Variants in ELAPOR2 observed in about 807,000 individuals in gnomAD.
ELAPOR2 encodes the protein endosome/lysosome-associated apoptosis and autophagy regulator family member 2.
In ELAPOR2, 89 loss-of-function variants were observed where a neutral mutation model predicts 120.7. That is an observed-to-expected ratio of 0.74 (90% CI 0.62 to 0.88). ELAPOR2 has a LOEUF of 0.88. Ranked by LOEUF, ELAPOR2 falls within the 40% of genes least tolerant of loss-of-function variation. The probability of loss-of-function intolerance (pLI) is 0.00; values close to 1 mark genes in which losing one functional copy is unlikely to be tolerated. For synonymous variants in ELAPOR2, 444 were observed against 444.9 expected (o/e 1.00, Z 0.03); for missense variants, 1,134 against 1,251.6 (o/e 0.91, Z 1.42).
intron 1 of ELAPOR2, among the ~76,000 whole-genome samples, chr7:86,984,167 G>A (rs552726120): frequency 6.6e-6 from 1 of 152,184 alleles, no homozygotes. Context: ...TAATACAGGA[G>A]CACCTAGATT....
At chr7:87,053,702 G>C (rs1009161155) in intron 1 of ELAPOR2, among the ~76,000 whole-genome samples, 2 of 152,124 alleles carry the variant, frequency 1.3e-5, no homozygotes, top group Non-Finnish European at 2.9e-5. Flanking sequence ...TCAGAGAAGA[G>C]AAAAGATCCT....
chr7:86,984,067 AAACC>A (rs1416836502), intron 1 of ELAPOR2, among the ~76,000 whole-genome samples: 1 of 152,226 alleles, frequency 6.6e-6, no homozygotes, highest in Non-Finnish European at 1.5e-5. Context: ...AACAGAGTTT[AAACC>A]AACAAAGATC....
intron 1 of ELAPOR2, among the ~76,000 whole-genome samples, chr7:87,022,996 T>C (rs1437927438): frequency 6.6e-6 from 1 of 152,156 alleles, no homozygotes; most frequent in African/African-American, 2.4e-5. Context: ...GATGAGTAGA[T>C]TGCAAAAATT....
chr7:86,972,509 C>A (rs1335234317), intron 1 of ELAPOR2, among the ~76,000 whole-genome samples: 1 of 151,284 alleles, frequency 6.6e-6, no homozygotes, highest in African/African-American at 2.4e-5. Context: ...CCTTCCACAT[C>A]ATGACAAGAG....
In ELAPOR2 at chr7:86,988,636, T is replaced by C. The variant is rs995429332; in HGVS notation, c.190-23612A>G. On this transcript the variant is annotated intron_variant, in intron 1 of 21. Transcript: ENST00000450689. ...TGTATCCTAGGCAGTACAACGATCATAGTAACTGCCATTACTCCTACAAAA... is the reference window on the plus strand; with the variant it reads ...TGTATCCTAGGCAGTACAACGATCACAGTAACTGCCATTACTCCTACAAAA... Among the ~76,000 whole-genome samples, 6 of 152,336 alleles carry C rather than the reference T, an allele frequency of 3.9e-5. No homozygotes were observed. The East Asian group carries it at 1.2e-3, about 29-fold the overall frequency.
At chr7:86,920,643 C>T (rs1789788287) in intron 10 of ELAPOR2, 1 of 152,070 alleles carries the variant, frequency 6.6e-6, no homozygotes, top group South Asian at 2.1e-4. Context: ...ACAAACATTT[C>T]CCATGTTTGA....
At chr7:87,029,374 T>A (rs1341764316) in intron 1 of ELAPOR2, among the ~76,000 whole-genome samples, 1 of 152,194 alleles carries the variant, frequency 6.6e-6, no homozygotes, top group Non-Finnish European at 1.5e-5. Context: ...GGCATCTGGC[T>A]CCTGGACCCT....
rs1159917841 is a variant in ELAPOR2 at position 86,993,234 on chromosome 7, C to CAAAAAAAA, written c.190-28218_190-28211dup. ...CTGATGACAGAGCGAGACTCCATCT[C>CAAAAAAAA]AAAAAAAAAAAAAAAAGAAAAAGAA... On this transcript the variant is annotated intron_variant, in intron 1 of 21. Coordinates refer to ENST00000450689, the MANE Select transcript of ELAPOR2 (RefSeq NM_001142749.3). 8.8e-3 allele frequency among the ~76,000 whole-genome samples: 503 copies of CAAAAAAAA among 57,068 alleles called. 17 individuals are homozygous for CAAAAAAAA. The highest frequency in any genetic ancestry group is 0.024 in the African/African-American group (412 of 17,242). 37.4% of individuals were successfully genotyped at this position (57,068 alleles called of 152,430 possible).
At chr7:87,007,719 T>A (rs568953430) in intron 1 of ELAPOR2, among the ~76,000 whole-genome samples, 1 of 152,162 alleles carries the variant, frequency 6.6e-6, no homozygotes, top group African/African-American at 2.4e-5. Flanking sequence ...TGCCAAAAAG[T>A]AAAGAAGTGC....
rs780328486 is a variant in ELAPOR2, at chr7:86,891,751, T to C, written c.3003A>G (p.Leu1001=). ...EVVYSNKQSL[L]GKLKSLATKE... The stretch of plus-strand genomic sequence containing the variant: ...TGGTTGCCAAAGATTTGAGTTTTCC[T>C]AGTAGTGACTGTTTATTGGAATATA... The change falls in exon 21 of 22, where the codon CTA becomes CTG. Residue 1001 remains leucine, a synonymous_variant. Transcript: ENST00000450689. 20 of 1,611,068 alleles carry C rather than the reference T, an allele frequency of 1.2e-5. No homozygotes were observed. The highest frequency in any genetic ancestry group is 1.6e-5 in the Non-Finnish European group (19 of 1,178,516).
At chr7:86,965,911 G>T (rs1562947599) in intron 1 of ELAPOR2, 2 of 985,152 alleles carry the variant, frequency 2.0e-6, no homozygotes, top group African/African-American at 3.5e-5. Flanking sequence ...GAAACATCAA[G>T]CCACATCACC....
chr7:86,948,704 C>T (rs892304683), intron 2 of ELAPOR2, among the ~76,000 whole-genome samples: 3 of 151,846 alleles, frequency 2.0e-5, no homozygotes, highest in East Asian at 1.9e-4. Context: ...ATACTAGATA[C>T]GACAATGTGA....
intron 6 of ELAPOR2, among the ~76,000 whole-genome samples, chr7:86,939,356 G>C (rs912418338): frequency 1.5e-4 from 23 of 152,078 alleles, no homozygotes; most frequent in Admixed American, 1.0e-3. Flanking sequence ...GGAATGGCTT[G>C]ACTTCTCCTC....
chr7:87,023,449 G>A (rs1763538308), intron 1 of ELAPOR2, among the ~76,000 whole-genome samples: 2 of 152,150 alleles, frequency 1.3e-5, no homozygotes, highest in Admixed American at 1.3e-4. Flanking sequence ...CCAGTACCAT[G>A]CTGTTTTGGT....
intron 1 of ELAPOR2, among the ~76,000 whole-genome samples, chr7:86,971,757 T>C (rs1175648410): frequency 6.6e-6 from 1 of 152,008 alleles, no homozygotes; most frequent in Non-Finnish European, 1.5e-5. Context: ...AATTGACTTA[T>C]CAAGGCAAGA....
intron 1 of ELAPOR2, among the ~76,000 whole-genome samples, chr7:87,033,801 T>C (rs937139164): frequency 4.0e-5 from 6 of 151,772 alleles, no homozygotes; most frequent in East Asian, 1.9e-4. Flanking sequence ...GTGTAGAAAA[T>C]AGCTCAAAAG....
intron 1 of ELAPOR2, among the ~76,000 whole-genome samples, chr7:87,035,178 T>A (rs1468125822): frequency 1.3e-5 from 2 of 152,060 alleles, no homozygotes; most frequent in Non-Finnish European, 2.9e-5. Flanking sequence ...GGTATGGATA[T>A]ACCCCTGAGC....
intron 1 of ELAPOR2, among the ~76,000 whole-genome samples, chr7:87,051,586 A>C (rs1384446221): frequency 6.6e-6 from 1 of 152,196 alleles, no homozygotes; most frequent in African/African-American, 2.4e-5. Context: ...TACTCTGTCC[A>C]TTTTCAGACA....
intron 18 of ELAPOR2, among the ~76,000 whole-genome samples, chr7:86,902,246 A>G (rs1584325502): frequency 6.6e-6 from 1 of 151,948 alleles, no homozygotes; most frequent in African/African-American, 2.4e-5. Flanking sequence ...GCGCGATCTC[A>G]GCTCACCACA....
Sources: gnomAD v4.1 joint callset for allele counts (sites outside exome capture counted in the v4.1 genomes callset) on GRCh38, gnomAD v4.1.1 for gene constraint, MANE v1.5 for transcripts, NCBI Gene and HGNC (gene_info 2026-07-23, HGNC 2026-07-21) for gene names.